The following MAGI2 variants were observed in gnomAD, a reference collection of about 807,000 sequenced individuals.
The protein encoded by MAGI2 is membrane-associated guanylate kinase, WW and PDZ domain-containing protein 2.
MAGI2 carries 35 observed loss-of-function variants against 133.3 expected under a neutral mutation model. The observed-to-expected ratio is 0.26, with a 90% CI of 0.20 to 0.35. MAGI2 has a LOEUF of 0.35. MAGI2 is among the 10% of genes least tolerant of loss of function. MAGI2 has a pLI of 1.00. For synonymous variants in MAGI2, 729 were observed against 710.6 expected, an observed-to-expected ratio of 1.03 and a Z score of -0.41; for missense variants, 1,636 against 1,863.4, an observed-to-expected ratio of 0.88 and a Z score of 2.25.
At chr7:79,098,491 A>G (rs776124325) in intron 1 of MAGI2, among the ~76,000 whole-genome samples, 15 of 152,232 alleles carry the variant, frequency 9.9e-5, no homozygotes, top group Non-Finnish European at 2.9e-5. Context: ...GGGCTGAGAT[A>G]AAAAGCATTC....
At chr7:78,453,631 C>T (rs946437936) in intron 6 of MAGI2, among the ~76,000 whole-genome samples, 1 of 152,160 alleles carries the variant, frequency 6.6e-6, no homozygotes, top group East Asian at 1.9e-4. Context: ...CCGCTGACCT[C>T]CAGATCCCCA....
chr7:78,368,385 T>G (rs1391181035), intron 7 of MAGI2, among the ~76,000 whole-genome samples: 1 of 152,202 alleles, frequency 6.6e-6, no homozygotes, highest in Non-Finnish European at 1.5e-5. Flanking sequence ...AACCTCTGGA[T>G]TTCTTGGGTA....
chr7:78,979,728 A>G (rs1457004710), intron 2 of MAGI2, among the ~76,000 whole-genome samples: 1 of 151,800 alleles, frequency 6.6e-6, no homozygotes, highest in African/African-American at 2.4e-5. Flanking sequence ...GTGTTTGGCC[A>G]TCCCATAATC....
At chr7:78,790,380 A>C (rs992739115) in intron 2 of MAGI2, among the ~76,000 whole-genome samples, 2 of 152,180 alleles carry the variant, frequency 1.3e-5, no homozygotes, top group Non-Finnish European at 2.9e-5. Flanking sequence ...AGGGGTTCAT[A>C]AAAGTGAAAG....
At chr7:78,793,632 T>C (rs911176658) in intron 2 of MAGI2, among the ~76,000 whole-genome samples, 1 of 152,202 alleles carries the variant, frequency 6.6e-6, no homozygotes, top group Non-Finnish European at 1.5e-5. Flanking sequence ...ATCTTCTCAA[T>C]AGATTTAGAA....
rs140518001 is a variant in MAGI2, at chr7:78,328,938, A to C, written c.1408+14840T>G. Among the ~76,000 whole-genome samples, 863 of 152,354 alleles carry C rather than the reference A, an allele frequency of 5.7e-3. 6 individuals carry two copies. Among genetic ancestry groups the C allele is most frequent in the African/African-American group, 0.02 (813 of 41,592 alleles). ...TGATGATATAAAGAAAGACAGTTCT[A>C]GGTTATTAACCTTGGCTTGACGAAA... On this transcript the variant is annotated intron_variant, in intron 9 of 21. Coordinates refer to ENST00000354212, the MANE Select transcript of MAGI2 (RefSeq NM_012301.4).
intron 6 of MAGI2, among the ~76,000 whole-genome samples, chr7:78,455,392 C>CTT (rs1789201350): frequency 6.6e-6 from 1 of 152,062 alleles, no homozygotes; most frequent in Non-Finnish European, 1.5e-5. Flanking sequence ...ATTTCTAGCT[C>CTT]TGAGTCATCT....
At chr7:79,134,556 A>G (rs1821207408) in intron 1 of MAGI2, among the ~76,000 whole-genome samples, 1 of 152,190 alleles carries the variant, frequency 6.6e-6, no homozygotes, top group Non-Finnish European at 1.5e-5. Context: ...CTTTCAAACA[A>G]TCTCTTACCT....
chr7:79,258,045 A>C (rs1833819744), intron 1 of MAGI2, among the ~76,000 whole-genome samples: 1 of 152,188 alleles, frequency 6.6e-6, no homozygotes, highest in Admixed American at 6.5e-5. Flanking sequence ...ACCACATTTT[A>C]AATGTCTTTG....
At chr7:79,290,684 T>C (rs1376260554) in intron 1 of MAGI2, among the ~76,000 whole-genome samples, 2 of 152,074 alleles carry the variant, frequency 1.3e-5, no homozygotes, top group Non-Finnish European at 2.9e-5. Context: ...TTCATTACTT[T>C]TCCACGATAT....
chr7:78,169,771 C>T (rs1186307597), intron 14 of MAGI2, among the ~76,000 whole-genome samples: 1 of 152,212 alleles, frequency 6.6e-6, no homozygotes, highest in Non-Finnish European at 1.5e-5. Flanking sequence ...ACATCTCCTG[C>T]CTTAGACTGG....
At chr7:78,458,989 C>T (rs1407361918) in intron 6 of MAGI2, among the ~76,000 whole-genome samples, 1 of 152,118 alleles carries the variant, frequency 6.6e-6, no homozygotes, top group Non-Finnish European at 1.5e-5. Context: ...TAAGAGCAAC[C>T]AAAGTTATGA....
At chr7:79,270,118 G>A (rs1409754109) in intron 1 of MAGI2, among the ~76,000 whole-genome samples, 7 of 152,046 alleles carry the variant, frequency 4.6e-5, no homozygotes. Flanking sequence ...ACCCAGAGAA[G>A]GACTCAGCAT....
chr7:78,297,483 A>G (rs1031663717), intron 9 of MAGI2, among the ~76,000 whole-genome samples: 6 of 151,778 alleles, frequency 4.0e-5, no homozygotes, highest in East Asian at 1.9e-4. Context: ...TACTGGGTAT[A>G]TACCCAAAGG....
At chr7:79,444,317 A>C (rs954902184) in intron 1 of MAGI2, among the ~76,000 whole-genome samples, 2 of 152,204 alleles carry the variant, frequency 1.3e-5, no homozygotes, top group Non-Finnish European at 2.9e-5. Context: ...TGGCCAGGGC[A>C]ATCAGGCAGG....
At chr7:78,769,450 G>A (rs958130015) in intron 2 of MAGI2, among the ~76,000 whole-genome samples, 3 of 152,044 alleles carry the variant, frequency 2.0e-5, no homozygotes, top group Admixed American at 6.6e-5. Context: ...GATATCTTCT[G>A]CAAGCTTTGC....
At chr7:78,370,399 T>C (rs1204065629) in intron 6 of MAGI2, among the ~76,000 whole-genome samples, 1 of 151,996 alleles carries the variant, frequency 6.6e-6, no homozygotes, top group Non-Finnish European at 1.5e-5. Context: ...CTAGAAGCTG[T>C]GTAATTCATC....
At chr7:78,672,338 T>TA (rs1814493610) in intron 2 of MAGI2, among the ~76,000 whole-genome samples, 1 of 152,268 alleles carries the variant, frequency 6.6e-6, no homozygotes, top group African/African-American at 2.4e-5. Context: ...ATATCATGAA[T>TA]AAAAGCTTCC....
At chr7:78,784,671 G>A (rs1187829650) in intron 2 of MAGI2, among the ~76,000 whole-genome samples, 3 of 152,120 alleles carry the variant, frequency 2.0e-5, no homozygotes, top group Admixed American at 6.5e-5. Context: ...GTCTATTAGC[G>A]TTAGATCATA....
Sources: gnomAD v4.1 joint callset for allele counts (sites outside exome capture counted in the v4.1 genomes callset) on GRCh38, gnomAD v4.1.1 for gene constraint, MANE v1.5 for transcripts, NCBI Gene and HGNC (gene_info 2026-07-23, HGNC 2026-07-21) for gene names.